The following BRF1 variants were observed in gnomAD, a reference collection of about 807,000 sequenced individuals.
BRF1 encodes transcription factor IIIB 90 kDa subunit.
Under a neutral mutation model 81.7 loss-of-function variants are expected in BRF1, and 59 were observed. The observed-to-expected ratio is 0.72, with a 90% CI of 0.59 to 0.90. BRF1 has a LOEUF of 0.90. Among genes scored for constraint, BRF1 ranks in the 40% least tolerant of loss-of-function variants. The pLI, the probability that BRF1 is intolerant of heterozygous loss-of-function variation, is 0.00. For missense variants in BRF1, 1,050 were observed against 936.3 expected, an observed-to-expected ratio of 1.12 and a Z score of -1.58; for synonymous variants, 491 against 395.6, an observed-to-expected ratio of 1.24 and a Z score of -2.86.
chr14:105,209,775 C>T lies in BRF1; in HGVS notation c.*776G>A, dbSNP rs587643328. 14 of 545,600 alleles carry T rather than the reference C, an allele frequency of 2.6e-5. No homozygotes were observed. Among genetic ancestry groups the T allele is most frequent in the South Asian group, 4.7e-5 (2 of 42,124 alleles). The allele number at this position is 545,600 out of a possible 1,614,324, so 33.8% of individuals were successfully genotyped here. A position where few individuals can be genotyped will look rare whatever the true frequency, so the allele number is the denominator to read the frequency against. ...ACTGCCTACAGAGCTATGCTCAGGA[C>T]GGGTGGGCGCCGGTCTCAGCTGTCG... On this transcript the variant is annotated 3_prime_UTR_variant, in exon 18 of 18. Coordinates refer to ENST00000547530, the MANE Select transcript of BRF1 (RefSeq NM_001519.4).
At chr14:105,278,397 A>G (rs1003373095) in intron 2 of BRF1, among the ~76,000 whole-genome samples, 11 of 151,064 alleles carry the variant, frequency 7.3e-5, no homozygotes, top group African/African-American at 2.2e-4. Flanking sequence ...CTGCCACTGC[A>G]GTCCAGCCTG....
At chr14:105,260,132 G>C (rs901893204) in intron 3 of BRF1, among the ~76,000 whole-genome samples, 1 of 152,174 alleles carries the variant, frequency 6.6e-6, no homozygotes, top group Non-Finnish European at 1.5e-5. Flanking sequence ...AGCAATTAGG[G>C]CCTGTGCATC....
chr14:105,213,767 A>T (rs1034099026), intron 15 of BRF1, among the ~76,000 whole-genome samples: 1 of 152,118 alleles, frequency 6.6e-6, no homozygotes, highest in Non-Finnish European at 1.5e-5. Flanking sequence ...CTGGGGGGCC[A>T]GAAAGCTCCC....
intron 2 of BRF1, among the ~76,000 whole-genome samples, chr14:105,280,428 T>C (rs1215321477): frequency 6.6e-6 from 1 of 152,240 alleles, no homozygotes; most frequent in Non-Finnish European, 1.5e-5. Flanking sequence ...AAGCACTCTG[T>C]ATGAAACTGT....
rs763667067 is a variant in BRF1 at position 105,241,355 on chromosome 14, C to G, written c.604G>C (p.Glu202Gln). Reference sequence around the variant, plus strand: ...AGCCTCAGGGCAGTCATGGACACCTCGTGGTTCTTCTCCCCGAATTCCAGC... The same window carrying G: ...AGCCTCAGGGCAGTCATGGACACCTGGTGGTTCTTCTCCCCGAATTCCAGC... ...HLLEFGEKNH[E>Q]VSMTALRLLQ... Residue 202 changes from glutamate to glutamine, a missense_variant, in exon 6 of 18, where the codon GAG (glutamate) becomes CAG (glutamine). Physicochemically the swap from Glu to Gln is conservative, Grantham distance 29. Coordinates refer to ENST00000547530, the MANE Select transcript of BRF1 (RefSeq NM_001519.4). 1 of 1,612,678 alleles carries G rather than the reference C, an allele frequency of 6.2e-7. No homozygotes were observed. Among genetic ancestry groups the G allele is most frequent in the African/African-American group, 1.3e-5 (1 of 74,944 alleles).
intron 1 of BRF1, among the ~76,000 whole-genome samples, chr14:105,287,238 G>A (rs1033165084): frequency 6.6e-6 from 1 of 152,178 alleles, no homozygotes; most frequent in South Asian, 2.1e-4. Flanking sequence ...GTGGACATTT[G>A]GATTGTTCAC....
Position 105,241,279 on chromosome 14 carries a change from C to A in BRF1, c.680G>T (p.Gly227Val). 2 of 1,611,894 alleles carry A rather than the reference C, an allele frequency of 1.2e-6. No homozygotes were observed. The highest frequency in any genetic ancestry group is 2.2e-5 in the East Asian group (1 of 44,882). ...GCCCGCTGTACCTGCTCCGCAGAGG[C>A]CCGAGGGGCGCCGGCCTGTGTGCAT... ...DWMHTGRRPS[G>V]LCGAALLVAA... Residue 227 changes from glycine (G) to valine (V), a missense_variant, in exon 6 of 18, where the codon GGC becomes GTC. Physicochemically the swap from Gly to Val is moderately radical, Grantham distance 109. Around this residue, in one of 2 missense-constraint regions of BRF1, gnomAD observed 1,043 missense variants for 915.4 expected, o/e 1.14. Transcript: ENST00000547530.
At position 105,215,278 on chromosome 14, in the gene BRF1, G is replaced by C. The variant is rs1160906594; in HGVS notation, c.1772+2266C>G. On this transcript the variant is annotated intron_variant, in intron 15 of 17. Transcript: ENST00000547530. ...TACAGACACATGCATGCACACACGT[G>C]TACATAGAGACAAAGACCTGCACAC... Among the ~76,000 whole-genome samples, 4 of 151,694 alleles carry C rather than the reference G, an allele frequency of 2.6e-5. No individual in the cohort carries two copies. The South Asian group carries it at 6.3e-4, about 24-fold the overall frequency.
intron 1 of BRF1, among the ~76,000 whole-genome samples, chr14:105,293,503 T>C (rs7149013): frequency 0.29 from 44,486 of 152,128 alleles, 6,764 homozygotes; most frequent in African/African-American, 0.34. Context: ...GCCCAGGATG[T>C]CTGGTGTGTG....
chr14:105,307,070 G>T (rs1475021500), intron 1 of BRF1, among the ~76,000 whole-genome samples: 2 of 150,338 alleles, frequency 1.3e-5, no homozygotes, highest in African/African-American at 4.9e-5. Flanking sequence ...TTTGAGGCAG[G>T]GTCTCACTCT....
intron 3 of BRF1, among the ~76,000 whole-genome samples, chr14:105,263,234 CAAAA>C (rs760613469): frequency 1.2e-5 from 1 of 83,552 alleles, no homozygotes. Flanking sequence ...AAGACTCCAT[CAAAA>C]AAAAAAAAAA....
intron 11 of BRF1, among the ~76,000 whole-genome samples, chr14:105,221,255 G>T (rs371106189): frequency 6.6e-6 from 1 of 152,184 alleles, no homozygotes; most frequent in Non-Finnish European, 1.5e-5. Context: ...TGGGGCAGGG[G>T]TGCCTCGTCA....
In BRF1 at chr14:105,241,253, G is replaced by C; in HGVS notation, c.694+12C>G. 6.2e-7 allele frequency: 1 copy of C among 1,609,600 alleles called. No homozygotes were observed. Among genetic ancestry groups the C allele is most frequent in the South Asian group, 1.1e-5 (1 of 91,024 alleles). On this transcript the variant is annotated intron_variant, in intron 6 of 17. Transcript: ENST00000547530. The stretch of plus-strand genomic sequence containing the variant: ...AGACCAGCATCCCCCAGGCAGGCAG[G>C]GCCCGCTGTACCTGCTCCGCAGAGG...
intron 11 of BRF1, among the ~76,000 whole-genome samples, chr14:105,220,516 G>A (rs935168539): frequency 6.6e-6 from 1 of 152,194 alleles, no homozygotes; most frequent in Non-Finnish European, 1.5e-5. Flanking sequence ...TGTGCTCAGG[G>A]GAGCCAGCTC....
chr14:105,270,228 C>CAGTGGCGCGATCTCGGCTCACTGCA (rs1171113055), intron 3 of BRF1, among the ~76,000 whole-genome samples: 2 of 149,092 alleles, frequency 1.3e-5, no homozygotes. Context: ...GGCTGGAGTG[C>CAGTGGCGCGATCTCGGCTCACTGCA]AGTGGCGCGA....
At chr14:105,253,483 C>A (rs1261553387) in intron 4 of BRF1, among the ~76,000 whole-genome samples, 1 of 152,234 alleles carries the variant, frequency 6.6e-6, no homozygotes, top group Non-Finnish European at 1.5e-5. Flanking sequence ...CTGACCAAGC[C>A]CGGCTCGTGG....
At chr14:105,296,370 G>T (rs1472583892) in intron 1 of BRF1, among the ~76,000 whole-genome samples, 1 of 151,946 alleles carries the variant, frequency 6.6e-6, no homozygotes, top group African/African-American at 2.4e-5. Flanking sequence ...AAAATTAGCC[G>T]GGCGTGGTGC....
In BRF1 at chr14:105,228,845, C is replaced by G. The variant is rs2054242445; in HGVS notation, c.763G>C (p.Val255Leu). The G allele has an allele frequency of 6.2e-7, 1 of 1,613,832 alleles. No individual in the cohort carries two copies. ...TVKEVISVVKVCESTLRKRLT... is the reference protein window; with the variant it reads ...TVKEVISVVKLCESTLRKRLT... ...CTCTTCCGCAGCGTGGACTCACACA[C>G]TTTGACCACACTGATGACCTCCTTC... The change falls in exon 7 of 18, where the codon GTG (valine) becomes CTG (leucine). Residue 255 changes from valine to leucine, a missense_variant. By Grantham distance (32) the Val-to-Leu change is conservative (BLOSUM62 1). This residue lies in a region of BRF1 where 1,043 missense variants were observed against 915.4 expected (regional missense o/e 1.14). Transcript: ENST00000547530.
rs773764431 is a variant in BRF1 at position 105,241,406 on chromosome 14, G to A, written c.553C>T (p.Leu185=). The change falls in exon 6 of 18, where the codon CTG becomes TTG. Residue 185 remains leucine (L), a synonymous_variant. Transcript: ENST00000547530. ...CINAPAIDPC[L]YIPRFAHLLE... ...AGGTGCGCAAAGCGTGGAATATACA[G>A]GCACGGGTCTGCGGCAGACACAGCA... 1 of 1,612,122 alleles carries A rather than the reference G, an allele frequency of 6.2e-7. No individual in the cohort carries two copies. The highest frequency in any genetic ancestry group is 8.5e-7 in the Non-Finnish European group (1 of 1,179,904).
Sources: gnomAD v4.1 joint callset for allele counts (sites outside exome capture counted in the v4.1 genomes callset) on GRCh38, gnomAD v4.1.1 for gene constraint, gnomAD v4.1.1 regional missense constraint, MANE v1.5 for transcripts, NCBI Gene and HGNC (gene_info 2026-07-23, HGNC 2026-07-21) for gene names.